Variants in SPINK5 observed in about 807,000 individuals in gnomAD.
SPINK5 encodes serine peptidase inhibitor Kazal type 5.
A neutral mutation model predicts 151.8 loss-of-function variants in SPINK5; 125 were observed. That is an observed-to-expected ratio of 0.82 (90% CI 0.71 to 0.96). The LOEUF is 0.96. Ranked by LOEUF, SPINK5 falls within the 40% of genes least tolerant of loss-of-function variation. SPINK5 has a pLI of 0.00. For synonymous variants in SPINK5, 374 were observed against 395.3 expected, an observed-to-expected ratio of 0.95 and a Z score of 0.64; for missense variants, 1,194 against 1,291.9, an observed-to-expected ratio of 0.92 and a Z score of 1.16.
chr5:148,103,055 A>C (rs1753690886), intron 15 of SPINK5, among the ~76,000 whole-genome samples: 1 of 152,160 alleles, frequency 6.6e-6, no homozygotes, highest in South Asian at 2.1e-4. Flanking sequence ...TAATTTATTT[A>C]GTCTTCCCAT....
chr5:148,129,516 AAG>A (rs905130218), intron 30 of SPINK5, among the ~76,000 whole-genome samples: 3 of 30,914 alleles, frequency 9.7e-5, no homozygotes, highest in Admixed American at 1.0e-3. Flanking sequence ...TAAAAAAATG[AAG>A]AGAGAGAGAG....
In SPINK5 at chr5:148,137,052, T is replaced by C; in HGVS notation, c.*61T>C. ...AACCCCAGTTCTGAATCACCTACCT[T>C]CACCATCTGTATATACAAAGAATTC... On this transcript the variant is annotated 3_prime_UTR_variant, in exon 33 of 33. Coordinates refer to ENST00000256084, the MANE Select transcript of SPINK5 (RefSeq NM_006846.4). 3 of 1,594,136 alleles carry C rather than the reference T, an allele frequency of 1.9e-6. No homozygotes were observed. Among genetic ancestry groups the C allele is most frequent in the Non-Finnish European group, 2.6e-6 (3 of 1,162,272 alleles).
At chr5:148,130,560 CAT>C (rs1754545227) in intron 30 of SPINK5, among the ~76,000 whole-genome samples, 1 of 152,048 alleles carries the variant, frequency 6.6e-6, no homozygotes, top group Non-Finnish European at 1.5e-5. Flanking sequence ...TTATTAAACT[CAT>C]ACTTCCAAAA....
At chr5:148,077,726 A>C (rs1473952949) in intron 4 of SPINK5, among the ~76,000 whole-genome samples, 2 of 149,608 alleles carry the variant, frequency 1.3e-5, no homozygotes, top group Admixed American at 6.7e-5. Context: ...TCTCTATTTT[A>C]CCAGGATTAA....
At chr5:148,086,317 T>C in intron 4 of SPINK5, 88 bp from the exon 5 acceptor site, 8 of 1,532,532 alleles carry the variant, frequency 5.2e-6, no homozygotes, top group Non-Finnish European at 7.1e-6. Flanking sequence ...ATTTACATTA[T>C]TGTGGGCTTA....
chr5:148,081,214 T>G (rs1047714656), intron 4 of SPINK5, among the ~76,000 whole-genome samples: 2 of 151,604 alleles, frequency 1.3e-5, no homozygotes, highest in African/African-American at 4.8e-5. Flanking sequence ...GTTTGAGAAC[T>G]TCTTAAAATT....
chr5:148,075,248 T>G (rs982041023), intron 4 of SPINK5, among the ~76,000 whole-genome samples: 12 of 151,652 alleles, frequency 7.9e-5, no homozygotes, highest in Non-Finnish European at 1.6e-4. Flanking sequence ...TCAGCAAGTT[T>G]GGAAAATTCC....
intron 32 of SPINK5, 66 bp from the exon 33 acceptor site, chr5:148,136,917 T>A (rs780784020): frequency 4.4e-6 from 7 of 1,590,654 alleles, no homozygotes; most frequent in Admixed American, 1.7e-5. Flanking sequence ...CAGCTATAAA[T>A]ATACAGCCCA....
chr5:148,084,879 T>C (rs748679753), intron 4 of SPINK5, among the ~76,000 whole-genome samples: 4 of 151,930 alleles, frequency 2.6e-5, no homozygotes, highest in Non-Finnish European at 4.4e-5. Context: ...TTTTTCTGTT[T>C]ATTTGTGAGA....
intron 22 of SPINK5, 106 bp from the exon 23 acceptor site, chr5:148,118,331 A>T: frequency 6.5e-7 from 1 of 1,541,624 alleles, no homozygotes; most frequent in Non-Finnish European, 8.9e-7. Context: ...TATGTTTCTT[A>T]TAAAGAGAGG....
At chr5:148,105,090 G>A in intron 16 of SPINK5, 90 bp downstream of exon 16, 2 of 1,419,800 alleles carry the variant, frequency 1.4e-6, no homozygotes, top group Non-Finnish European at 1.9e-6. Context: ...AATGTTTTCT[G>A]TTTAATTTTC....
chr5:148,111,720 G>A (rs574321839), intron 18 of SPINK5, 48 bp from the exon 19 acceptor site: 1 of 1,613,310 alleles, frequency 6.2e-7, no homozygotes, highest in South Asian at 1.1e-5. Flanking sequence ...AAGATTTCTA[G>A]TGTTTAGTTA....
intron 8 of SPINK5, among the ~76,000 whole-genome samples, chr5:148,093,352 G>T (rs1270208877): frequency 6.6e-6 from 1 of 151,624 alleles, no homozygotes; most frequent in Non-Finnish European, 1.5e-5. Context: ...GATTTTTTTT[G>T]GTGGGGGGAA....
intron 29 of SPINK5, among the ~76,000 whole-genome samples, chr5:148,126,084 C>T (rs1581108890): frequency 1.3e-5 from 2 of 152,270 alleles, no homozygotes; most frequent in Middle Eastern, 6.8e-3. Flanking sequence ...TGTCATTAAA[C>T]AATTTGTTTT....
chr5:148,094,864 C>T (rs1753414701), intron 9 of SPINK5, among the ~76,000 whole-genome samples: 1 of 151,930 alleles, frequency 6.6e-6, no homozygotes, highest in African/African-American at 2.4e-5. Context: ...ATGCAACACT[C>T]TCAGATACTT....
intron 4 of SPINK5, among the ~76,000 whole-genome samples, chr5:148,077,649 A>G (rs1441283508): frequency 6.8e-6 from 1 of 147,774 alleles, no homozygotes; most frequent in Non-Finnish European, 1.5e-5. Flanking sequence ...ATATATATAT[A>G]TATATATATA....
chr5:148,108,413 G>C (rs551212657), intron 17 of SPINK5, among the ~76,000 whole-genome samples: 1 of 152,242 alleles, frequency 6.6e-6, no homozygotes, highest in South Asian at 2.1e-4. Context: ...TAGTTACTTG[G>C]AGAGGAAAGG....
intron 16 of SPINK5, 123 bp downstream of exon 16, chr5:148,105,123 AT>A: frequency 9.1e-7 from 1 of 1,098,426 alleles, no homozygotes; most frequent in Non-Finnish European, 1.3e-6. Flanking sequence ...AATGAAGAAC[AT>A]TTTTAACCTG....
chr5:148,069,905 G>T (rs1487024295), intron 2 of SPINK5, among the ~76,000 whole-genome samples: 1 of 152,030 alleles, frequency 6.6e-6, no homozygotes, highest in Non-Finnish European at 1.5e-5. Context: ...ATATGTTGCA[G>T]TACAGCCATG....
Sources: allele counts gnomAD v4.1 joint callset (sites outside exome capture counted in the v4.1 genomes callset), GRCh38; gene constraint gnomAD v4.1.1; transcripts MANE v1.5; gene names NCBI Gene and HGNC (gene_info 2026-07-23, HGNC 2026-07-21).